IDUA: variants seen among roughly 807,000 people sequenced by gnomAD.
IDUA encodes alpha-L-iduronidase.
IDUA carries 65 observed loss-of-function variants against 68.9 expected under a neutral mutation model. The observed-to-expected ratio is 0.94, with a 90% confidence interval of 0.77 to 1.16. The LOEUF is 1.16. Among genes scored for constraint, IDUA ranks in the 50% most tolerant of loss-of-function variants. The pLI, the probability that IDUA is intolerant of heterozygous loss-of-function variation, is 0.00. For missense variants in IDUA, 1,046 were observed against 938.0 expected (o/e 1.12, Z -1.50); for synonymous variants, 529 against 433.6 (o/e 1.22, Z -2.73).
intron 2 of IDUA, chr4:991,194 G>A (rs1013941794): frequency 1.3e-6 from 2 of 1,599,954 alleles, no homozygotes; most frequent in Non-Finnish European, 1.7e-6. Flanking sequence ...CACGCCCGCA[G>A]TCCAGCATGG....
rs751792135 is a variant in IDUA, at chr4:987,883, G to C, written c.233G>C (p.Gly78Ala). 6.2e-7 allele frequency: 1 copy of C among 1,611,738 alleles called. No individual in the cohort carries two copies. Among genetic ancestry groups the C allele is most frequent in the East Asian group, 2.2e-5 (1 of 44,828 alleles). Reference sequence around the variant, plus strand: ...CAGCAGCTCAACCTCGCCTATGTGGGCGCCGTCCCTCACCGCGGCATCAAG... The same window carrying C: ...CAGCAGCTCAACCTCGCCTATGTGGCCGCCGTCCCTCACCGCGGCATCAAG... ...WDQQLNLAYV[G>A]AVPHRGIKQV... The change falls in exon 2 of 14, where the codon GGC becomes GCC. Residue 78 changes from glycine (G) to alanine (A), a missense_variant. Gly to Ala is a moderately conservative substitution (Grantham distance 60). Coordinates refer to ENST00000514224, the MANE Select transcript of IDUA (RefSeq NM_000203.5).
chr4:988,644 T>A, intron 2 of IDUA: 1 of 1,392,214 alleles, frequency 7.2e-7, no homozygotes, highest in South Asian at 1.7e-5. Context: ...TTTCTGAGTG[T>A]TTGGGTCCTG....
At chr4:998,369 G>GGA (rs1402523702) in intron 2 of IDUA, among the ~76,000 whole-genome samples, 1 of 152,176 alleles carries the variant, frequency 6.6e-6, no homozygotes, top group African/African-American at 2.4e-5. Flanking sequence ...TGTGGCATGG[G>GGA]GAGACTGACA....
intron 2 of IDUA, chr4:991,728 G>A (rs866292889): frequency 6.5e-6 from 10 of 1,531,220 alleles, no homozygotes; most frequent in African/African-American, 2.7e-5. Flanking sequence ...TCCCGTGGCC[G>A]ACCTGCGGCC....
At chr4:1,002,561 G>A in intron 8 of IDUA, 76 bp downstream of exon 8, 1 of 1,333,008 alleles carries the variant, frequency 7.5e-7, no homozygotes, top group South Asian at 1.6e-5. Context: ...GCCCCGCTGC[G>A]GGGAGCGCAC....
rs769042694 is a variant in IDUA, at chr4:1,004,018, G to C, written c.1734G>C (p.Leu578=). 1.5e-5 allele frequency: 24 copies of C among 1,611,744 alleles called. No individual in the cohort carries two copies. The South Asian group carries it at 2.5e-4, about 17-fold the overall frequency. ...WSDEHVGSKC[L]WTYEIQFSQD... ...CTTGGCCTGACCTCCCCAGGTGCCTGTGGACATACGAGATCCAGTTCTCTC... is the reference window on the plus strand; with the variant it reads ...CTTGGCCTGACCTCCCCAGGTGCCTCTGGACATACGAGATCCAGTTCTCTC... Residue 578 remains leucine, a synonymous_variant, in exon 13 of 14, where the codon CTG becomes CTC. Coordinates refer to ENST00000514224, the MANE Select transcript of IDUA (RefSeq NM_000203.5). The surrounding 1 kb of genome is among the most constrained non-coding windows in gnomAD (Gnocchi z 5.0).
At chr4:992,874 G>A (rs943021421) in intron 2 of IDUA, 3 of 152,238 alleles carry the variant, frequency 2.0e-5, no homozygotes, top group Admixed American at 6.5e-5. Flanking sequence ...CAAAGACTTT[G>A]CTCCCAGGAC....
chr4:991,858 C>A, intron 2 of IDUA: 1 of 1,508,300 alleles, frequency 6.6e-7, no homozygotes, highest in Non-Finnish European at 8.9e-7. Context: ...TGGTGCTGGG[C>A]CTTCTCCTGG....
Position 987,079 on chromosome 4 carries a change from G to A in IDUA, c.-6G>A. The stretch of plus-strand genomic sequence containing the variant: ...GAAGCCCCGCAGTCCCCGAGCACGC[G>A]TGGCCATGCGTCCCCTGCGCCCCCG... On this transcript the variant is annotated 5_prime_UTR_variant, in exon 1 of 14. In the 5' UTR this introduces an upstream ATG that the reference lacks. Coordinates refer to ENST00000514224, the MANE Select transcript of IDUA (RefSeq NM_000203.5). The A allele has an allele frequency of 6.7e-7, 1 of 1,491,704 alleles. No individual in the cohort carries two copies. Among genetic ancestry groups the A allele is most frequent in the South Asian group, 1.3e-5 (1 of 79,900 alleles). 92.4% of individuals were successfully genotyped at this position (1,491,704 alleles called of 1,614,324 possible).
In IDUA at chr4:998,882, C is replaced by T. The variant is rs536258273; in HGVS notation, c.300-1730C>T. On this transcript the variant is annotated intron_variant, in intron 2 of 13. Transcript: ENST00000514224. ...AGTCTGGGCACCATACCTCTCTGGGCAACCCCCATGGCCCCCAGCCAGTCT... is the reference window on the plus strand; with the variant it reads ...AGTCTGGGCACCATACCTCTCTGGGTAACCCCCATGGCCCCCAGCCAGTCT... Among the ~76,000 whole-genome samples, 42 of 150,480 alleles carry T rather than the reference C, an allele frequency of 2.8e-4. 1 individual carries two copies. The East Asian group carries it at 3.2e-3, about 11-fold the overall frequency.
chr4:1,002,572 T>A (rs1215076215), intron 8 of IDUA, 87 bp downstream of exon 8: 7 of 1,267,144 alleles, frequency 5.5e-6, no homozygotes, highest in Non-Finnish European at 7.2e-6. Flanking sequence ...GGGAGCGCAC[T>A]TCCTCCAGCC....
chr4:991,066 A>G, intron 2 of IDUA: 1 of 1,471,696 alleles, frequency 6.8e-7, no homozygotes, highest in Non-Finnish European at 9.1e-7. Flanking sequence ...GCCCTCGTGG[A>G]TGGCCAAAAC....
At chr4:994,414 T>C (rs1208647209) in intron 2 of IDUA, among the ~76,000 whole-genome samples, 1 of 151,522 alleles carries the variant, frequency 6.6e-6, no homozygotes, top group African/African-American at 2.4e-5. Flanking sequence ...TAGCTGGGAC[T>C]ACAGGCGCCC....
rs1367413817 is a variant in IDUA, at chr4:1,001,753, G to A, written c.664G>A (p.Gly222Ser). 6.9e-6 allele frequency: 11 copies of A among 1,597,432 alleles called. No individual in the cohort carries two copies. Among genetic ancestry groups the A allele is most frequent in the Non-Finnish European group, 8.5e-6 (10 of 1,177,324 alleles). Residue 222 changes from glycine to serine, a missense_variant, in exon 6 of 14, where the codon GGC becomes AGC. Gly to Ser is a moderately conservative substitution (Grantham distance 56). Transcript: ENST00000514224. ...CCCCGCCCTGCGGCTGGGAGGCCCC[G>A]GCGACTCCTTCCACACCCCACCGCG... ...ASPALRLGGP[G>S]DSFHTPPRSP...
chr4:998,783 A>ACCCCCCCCCCC (rs148444493), intron 2 of IDUA, among the ~76,000 whole-genome samples: 6 of 120,742 alleles, frequency 5.0e-5, no homozygotes, highest in Non-Finnish European at 8.5e-5. Flanking sequence ...CGACCCCCCG[A>ACCCCCCCCCCC]CCCCCCACCT....
intron 2 of IDUA, 121 bp downstream of exon 2, chr4:988,070 T>C (rs1181996518): frequency 8.2e-6 from 12 of 1,464,698 alleles, no homozygotes; most frequent in Non-Finnish European, 1.1e-5. Flanking sequence ...AGCACCCTGT[T>C]GGGGAGAGCG....
intron 2 of IDUA, chr4:990,454 C>T (rs1714197596): frequency 1.8e-5 from 22 of 1,234,042 alleles, no homozygotes; most frequent in Admixed American, 2.6e-5. Flanking sequence ...GTGGTGGTCA[C>T]GGCACAGGAC....
chr4:992,035 C>T, intron 2 of IDUA: 2 of 598,814 alleles, frequency 3.3e-6, no homozygotes, highest in Admixed American at 2.2e-5. Flanking sequence ...CCAGGCTCAG[C>T]TCCGGCCTAT....
intron 1 of IDUA, chr4:987,538 C>T (rs1713830822): frequency 9.3e-7 from 1 of 1,077,848 alleles, no homozygotes; most frequent in Non-Finnish European, 1.3e-6. Context: ...CCTGCCTGTC[C>T]CATTCCTTCC....
Sources: gnomAD v4.1 joint callset for allele counts (sites outside exome capture counted in the v4.1 genomes callset) on GRCh38, gnomAD v4.1.1 for gene constraint, Gnocchi (gnomAD v3.1) non-coding constraint, MANE v1.5 for transcripts, NCBI Gene and HGNC (gene_info 2026-07-23, HGNC 2026-07-21) for gene names.